The following NF1 variants were observed in gnomAD, a reference collection of about 807,000 sequenced individuals.
NF1 encodes the protein neurofibromin.
Under a neutral mutation model 325.7 loss-of-function variants are expected in NF1, and 122 were observed. The observed-to-expected ratio is 0.37, with a 90% CI of 0.32 to 0.44. The LOEUF is 0.44. NF1 is among the 20% of genes least tolerant of loss of function. The pLI, the probability that NF1 is intolerant of heterozygous loss-of-function variation, is 1.00. For synonymous variants in NF1, 1,091 were observed against 1,186.0 expected, an observed-to-expected ratio of 0.92 and a Z score of 1.65; for missense variants, 2,140 against 3,415.4, an observed-to-expected ratio of 0.63 and a Z score of 9.31.
chr17:31,185,564 T>C (rs1031894646), intron 8 of NF1, among the ~76,000 whole-genome samples: 3 of 152,160 alleles, frequency 2.0e-5, no homozygotes, highest in African/African-American at 7.2e-5. Flanking sequence ...TGTCAAGATA[T>C]TCTTTCTAAG....
chr17:31,319,736 C>A (rs2069128763), intron 36 of NF1, among the ~76,000 whole-genome samples: 1 of 142,368 alleles, frequency 7.0e-6, no homozygotes. Context: ...TACCAGTTTT[C>A]TCAACCTAAA....
intron 8 of NF1, among the ~76,000 whole-genome samples, chr17:31,194,605 T>C (rs2066402875): frequency 6.6e-6 from 1 of 152,236 alleles, no homozygotes; most frequent in South Asian, 2.1e-4. Context: ...GATCTCTGTA[T>C]AGCTATGAAA....
chr17:31,168,931 T>G (rs575213561), intron 4 of NF1, among the ~76,000 whole-genome samples: 3 of 152,204 alleles, frequency 2.0e-5, no homozygotes, highest in Non-Finnish European at 4.4e-5. Context: ...GATTTTTGCT[T>G]CATTGTGTGT....
At chr17:31,216,919 A>G (rs2066828814) in intron 13 of NF1, among the ~76,000 whole-genome samples, 1 of 152,100 alleles carries the variant, frequency 6.6e-6, no homozygotes, top group Non-Finnish European at 1.5e-5. Flanking sequence ...ACTCATTCTA[A>G]GCTATTGTCA....
chr17:31,303,352 G>C (rs2068618897), intron 36 of NF1, among the ~76,000 whole-genome samples: 1 of 152,108 alleles, frequency 6.6e-6, no homozygotes, highest in Non-Finnish European at 1.5e-5. Flanking sequence ...TAATAACTCA[G>C]ACTTACCAAT....
intron 4 of NF1, among the ~76,000 whole-genome samples, chr17:31,166,749 G>T (rs1272936125): frequency 6.6e-6 from 1 of 151,880 alleles, no homozygotes; most frequent in Non-Finnish European, 1.5e-5. Context: ...CATGTTTTAT[G>T]CAGGGCCCAA....
chr17:31,186,794 G>T (rs970144344), intron 8 of NF1, among the ~76,000 whole-genome samples: 1 of 152,226 alleles, frequency 6.6e-6, no homozygotes, highest in African/African-American at 2.4e-5. Context: ...GGCCATGGTG[G>T]CAGGGATGGA....
intron 5 of NF1, among the ~76,000 whole-genome samples, chr17:31,176,852 G>A (rs1481828343): frequency 1.3e-5 from 2 of 152,100 alleles, no homozygotes; most frequent in African/African-American, 2.4e-5. Flanking sequence ...CCTCTGTTCT[G>A]TTCCATTGGT....
At chr17:31,163,556 T>A (rs1347212542) in intron 4 of NF1, among the ~76,000 whole-genome samples, 180 bp downstream of exon 4, 1 of 152,190 alleles carries the variant, frequency 6.6e-6, no homozygotes, top group Non-Finnish European at 1.5e-5. Context: ...TACCTCAGCC[T>A]CCAGAGAAAT....
chr17:31,170,273 A>G (rs1440644935), intron 5 of NF1, among the ~76,000 whole-genome samples: 1 of 152,156 alleles, frequency 6.6e-6, no homozygotes, highest in Non-Finnish European at 1.5e-5. Flanking sequence ...GGGTGCTATT[A>G]TTTCATTTTT....
intron 37 of NF1, among the ~76,000 whole-genome samples, chr17:31,326,987 CGTGATCTCAGAGTGCAG>C (rs2069360699): frequency 2.4e-5 from 1 of 41,388 alleles, no homozygotes; most frequent in Non-Finnish European, 9.9e-5. Flanking sequence ...AGTGCAGTGG[CGTGATCTCAGAGTGCAG>C]TGGCGTGATC....
intron 36 of NF1, chr17:31,307,967 A>G: frequency 1.6e-6 from 2 of 1,255,652 alleles, no homozygotes; most frequent in South Asian, 2.5e-5. Flanking sequence ...GCCCTGTTTT[A>G]GTAGAAGAAA....
At chr17:31,342,423 C>A (rs2151564359) in intron 47 of NF1, among the ~76,000 whole-genome samples, 1 of 152,212 alleles carries the variant, frequency 6.6e-6, no homozygotes, top group East Asian at 1.9e-4. Flanking sequence ...CATGGTGACA[C>A]CCTGTCTCTA....
intron 1 of NF1, among the ~76,000 whole-genome samples, chr17:31,128,236 G>A (rs898838523): frequency 1.3e-5 from 2 of 151,826 alleles, no homozygotes; most frequent in Non-Finnish European, 2.9e-5. Flanking sequence ...ATAGGTGTGA[G>A]CCACTGCACC....
At chr17:31,175,921 A>G (rs1427184473) in intron 5 of NF1, among the ~76,000 whole-genome samples, 1 of 152,176 alleles carries the variant, frequency 6.6e-6, no homozygotes, top group Non-Finnish European at 1.5e-5. Flanking sequence ...CCAGTCTATC[A>G]TTGATGGGCA....
chr17:31,231,933 T>C (rs2067118433), intron 24 of NF1, 140 bp from the exon 25 acceptor site: 2 of 591,348 alleles, frequency 3.4e-6, no homozygotes, highest in Non-Finnish European at 6.0e-6. Context: ...ATTATTTGGG[T>C]TGTGCTAATA....
At chr17:31,232,619 T>G in intron 25 of NF1, 81 bp from the exon 26 acceptor site, 1 of 1,316,086 alleles carries the variant, frequency 7.6e-7, no homozygotes, top group Non-Finnish European at 1.1e-6. Context: ...ACCATGCACA[T>G]ATGATTGTTT....
chr17:31,193,339 C>T (rs2066379667), intron 8 of NF1, among the ~76,000 whole-genome samples: 1 of 151,982 alleles, frequency 6.6e-6, no homozygotes, highest in Non-Finnish European at 1.5e-5. Context: ...TTGAATATAC[C>T]ATTTTTTAAA....
chr17:31,103,549 T>C (rs1243912804), intron 1 of NF1, among the ~76,000 whole-genome samples: 1 of 151,868 alleles, frequency 6.6e-6, no homozygotes, highest in East Asian at 1.9e-4. Context: ...CTGGCCCTAT[T>C]TTTGTATTTT....
Sources: gnomAD v4.1 joint callset for allele counts (sites outside exome capture counted in the v4.1 genomes callset) on GRCh38, gnomAD v4.1.1 for gene constraint, MANE v1.5 for transcripts, NCBI Gene and HGNC (gene_info 2026-07-23, HGNC 2026-07-21) for gene names.